The following PSPH variants were observed in gnomAD, a reference collection of about 807,000 sequenced individuals.
PSPH encodes the protein L-3-phosphoserine phosphatase.
PSPH carries 16 observed loss-of-function variants against 23.4 expected under a neutral mutation model. The ratio of observed to expected loss-of-function variants is 0.68; its 90% CI spans 0.46 to 1.04. The LOEUF is 1.04. PSPH is among the 50% of genes least tolerant of loss of function. PSPH has a pLI of 0.00. For synonymous variants in PSPH, 68 were observed against 99.7 expected, an observed-to-expected ratio of 0.68 and a Z score of 1.89; for missense variants, 223 against 273.7, an observed-to-expected ratio of 0.81 and a Z score of 1.31.
At position 56,011,119 on chromosome 7, in the gene PSPH, G is replaced by C. The variant is rs1426564441; in HGVS notation, c.*643C>G. The C allele has an allele frequency of 6.6e-6, 1 of 151,072 alleles. No individual in the cohort carries two copies. The highest frequency in any genetic ancestry group is 6.6e-5 in the Admixed American group (1 of 15,190). 9.4% of individuals were successfully genotyped at this position (151,072 alleles called of 1,614,324 possible). A position where few individuals can be genotyped will look rare whatever the true frequency, so the allele number is the denominator to read the frequency against. On this transcript the variant is annotated 3_prime_UTR_variant, in exon 8 of 8. Transcript: ENST00000275605. ...TACCAAAGAGAAACCAATATTCACTGAAGGCTGCCGAATCCGTATTTCTAA... is the reference window on the plus strand; with the variant it reads ...TACCAAAGAGAAACCAATATTCACTCAAGGCTGCCGAATCCGTATTTCTAA...
At chr7:56,051,098 T>C (rs1793993423) in intron 1 of PSPH, 40 bp downstream of exon 1, 1 of 152,204 alleles carries the variant, frequency 6.6e-6, no homozygotes, top group African/African-American at 2.4e-5. Context: ...GGCGGGACAC[T>C]GGATACTGGA....
chr7:56,016,419 A>AAAAT (rs1229902871), intron 6 of PSPH, among the ~76,000 whole-genome samples: 1 of 151,386 alleles, frequency 6.6e-6, no homozygotes, highest in Non-Finnish European at 1.5e-5. Context: ...AAAAAAAAAA[A>AAAAT]AAAAATCACT....
intron 5 of PSPH, among the ~76,000 whole-genome samples, chr7:56,018,193 A>G (rs1788838505): frequency 6.6e-6 from 1 of 152,046 alleles, no homozygotes; most frequent in African/African-American, 2.4e-5. Flanking sequence ...AAAATACAAA[A>G]ATTAGCTGGG....
At chr7:56,020,699 G>A (rs1789252647) in intron 4 of PSPH, among the ~76,000 whole-genome samples, 1 of 151,940 alleles carries the variant, frequency 6.6e-6, no homozygotes, top group Non-Finnish European at 1.5e-5. Context: ...CCAGCTGCAG[G>A]GCGGGAGGGC....
In PSPH at chr7:56,019,710, T is replaced by C; in HGVS notation, c.165A>G (p.Ala55=). 1 of 1,613,780 alleles carries C rather than the reference T, an allele frequency of 6.2e-7. No individual in the cohort carries two copies. Among genetic ancestry groups the C allele is most frequent in the African/African-American group, 1.3e-5 (1 of 75,078 alleles). The stretch of plus-strand genomic sequence containing the variant: ...CTGTGAGAGCAGCTTTGAAAGGCAC[T>C]GCCCCGCCCATGGCTCGCCGTGTCC... ...SEMTRRAMGG[A]VPFKAALTER... The change falls in exon 5 of 8, where the codon GCA becomes GCG. Residue 55 remains alanine, a synonymous_variant. Transcript: ENST00000275605.
intron 3 of PSPH, among the ~76,000 whole-genome samples, chr7:56,022,737 G>T (rs1789640117): frequency 6.6e-6 from 1 of 152,120 alleles, no homozygotes; most frequent in Admixed American, 6.5e-5. Flanking sequence ...CAATGTACAG[G>T]GGCTAGTTGA....
chr7:56,049,163 A>G (rs1793641959), intron 1 of PSPH, among the ~76,000 whole-genome samples: 1 of 151,136 alleles, frequency 6.6e-6, no homozygotes, highest in Non-Finnish European at 1.5e-5. Flanking sequence ...TGACCTTGTG[A>G]TCTGCCCGCC....
chr7:56,047,746 A>G (rs1033170788), intron 1 of PSPH, among the ~76,000 whole-genome samples: 1 of 150,532 alleles, frequency 6.6e-6, no homozygotes, highest in Non-Finnish European at 1.5e-5. Flanking sequence ...GACTCACTGC[A>G]ATCTCCACCT....
chr7:56,048,466 T>C (rs977804019), intron 1 of PSPH, among the ~76,000 whole-genome samples: 6 of 152,058 alleles, frequency 3.9e-5, no homozygotes, highest in African/African-American at 1.4e-4. Flanking sequence ...TTTGGATAAA[T>C]AGAATCCTGG....
At position 56,017,364 on chromosome 7, in the gene PSPH, G is replaced by T; in HGVS notation, c.291C>A (p.Arg97=). The change falls in exon 6 of 8, where the codon CGC becomes CGA. Residue 97 remains arginine (R), a synonymous_variant. Transcript: ENST00000275605. Reference sequence around the variant, plus strand: ...AAACCTGAACATTTCGCTCCTGTAGGCGACTTACCAGCTCCCTGCAAAATA... The same window carrying T: ...AAACCTGAACATTTCGCTCCTGTAGTCGACTTACCAGCTCCCTGCAAAATA... The part of the protein sequence containing the change: ...LTPGIRELVS[R]LQERNVQVFL... 6.2e-7 allele frequency: 1 copy of T among 1,604,558 alleles called. No homozygotes were observed. Among genetic ancestry groups the T allele is most frequent in the Non-Finnish European group, 8.5e-7 (1 of 1,175,090 alleles).
At chr7:56,050,269 TTG>T (rs1793841364) in intron 1 of PSPH, among the ~76,000 whole-genome samples, 5 of 152,024 alleles carry the variant, frequency 3.3e-5, no homozygotes, top group Admixed American at 3.3e-4. Flanking sequence ...GACCGGTTAG[TTG>T]TGTCATTCTT....
chr7:56,037,420 C>CTTTTT (rs533011383), intron 1 of PSPH, among the ~76,000 whole-genome samples: 1 of 145,956 alleles, frequency 6.9e-6, no homozygotes, highest in Non-Finnish European at 1.5e-5. Flanking sequence ...GTTTTCTTTC[C>CTTTTT]TTTTTTTTTT....
chr7:56,044,860 G>C (rs529187788), intron 1 of PSPH, among the ~76,000 whole-genome samples: 1 of 151,918 alleles, frequency 6.6e-6, no homozygotes, highest in African/African-American at 2.4e-5. Context: ...GATCACTTGA[G>C]GTTAGGAGTT....
At chr7:56,045,250 A>T (rs947057979) in intron 1 of PSPH, among the ~76,000 whole-genome samples, 1 of 152,102 alleles carries the variant, frequency 6.6e-6, no homozygotes, top group African/African-American at 2.4e-5. Flanking sequence ...CACTCCTGTA[A>T]TCCTAGCAAT....
intron 6 of PSPH, among the ~76,000 whole-genome samples, chr7:56,015,838 A>G (rs1788483174): frequency 6.6e-6 from 1 of 151,606 alleles, no homozygotes; most frequent in Non-Finnish European, 1.5e-5. Flanking sequence ...TTGTATTTTT[A>G]GTAGAGATGG....
Position 56,011,589 on chromosome 7 carries a change from TA to T in PSPH, c.*172del, listed in dbSNP as rs71015155. ...CATCATATAATACTGGAACTACAGT[TA>T]AAAAAAAAAAAAAAGCAATCTTCTA... On this transcript the variant is annotated 3_prime_UTR_variant, in exon 8 of 8. Transcript: ENST00000275605. 0.27 allele frequency: 128,103 copies of T among 466,398 alleles called. 387 individuals carry two copies. Among genetic ancestry groups the T allele is most frequent in the South Asian group, 0.32 (12,070 of 37,654 alleles). The allele number at this position is 466,398 out of a possible 1,614,324, so 28.9% of individuals were successfully genotyped here.
chr7:56,013,855 G>A (rs1308902063), intron 7 of PSPH, among the ~76,000 whole-genome samples: 1 of 152,202 alleles, frequency 6.6e-6, no homozygotes, highest in Admixed American at 6.5e-5. Context: ...GGCCAGGCAT[G>A]GTGGTTCATA....
intron 1 of PSPH, among the ~76,000 whole-genome samples, chr7:56,042,532 T>G (rs923783559): frequency 2.6e-5 from 4 of 151,852 alleles, no homozygotes; most frequent in Non-Finnish European, 2.9e-5. Flanking sequence ...GTGCTTGTGG[T>G]CCCAGCTACA....
chr7:56,014,771 T>C (rs537923093), intron 7 of PSPH, among the ~76,000 whole-genome samples: 1 of 152,004 alleles, frequency 6.6e-6, no homozygotes, highest in Non-Finnish European at 1.5e-5. Context: ...TGGCGAAACA[T>C]TGTCTCTACT....
Sources: gnomAD v4.1 joint callset for allele counts (sites outside exome capture counted in the v4.1 genomes callset) on GRCh38, gnomAD v4.1.1 for gene constraint, MANE v1.5 for transcripts, NCBI Gene and HGNC (gene_info 2026-07-23, HGNC 2026-07-21) for gene names.